WDR27: variants seen among roughly 807,000 people sequenced by gnomAD.
WDR27 encodes the protein WD repeat domain 27.
In WDR27, 100 loss-of-function variants were observed where a neutral mutation model predicts 114.4. The observed-to-expected ratio is 0.87, with a 90% CI of 0.74 to 1.03. The LOEUF is 1.03. Ranked by LOEUF, WDR27 falls within the 50% of genes least tolerant of loss-of-function variation. The probability of loss-of-function intolerance (pLI) is 0.00; values close to 1 mark genes in which losing one functional copy is unlikely to be tolerated. For synonymous variants in WDR27, 449 were observed against 423.1 expected (o/e 1.06, Z -0.75); for missense variants, 1,129 against 1,092.9 (o/e 1.03, Z -0.47).
chr6:169,502,963 T>C (rs1465488135), intron 25 of WDR27, among the ~76,000 whole-genome samples: 1 of 152,188 alleles, frequency 6.6e-6, no homozygotes, highest in Non-Finnish European at 1.5e-5. Context: ...TCCATGAAAG[T>C]ACTGGCAGCT....
rs372384541 is a variant in WDR27, at chr6:169,613,453, G to A, written c.2321+106C>T. ...ATAAATCAGTCTTAGATTAGTCAGT[G>A]TGCACAGATTAACCACAACCTCATC... is the stretch of plus-strand genomic sequence containing the variant. On this transcript the variant is annotated intron_variant, in intron 22 of 25. Coordinates refer to ENST00000448612, the MANE Select transcript of WDR27 (RefSeq NM_182552.5). The A allele has an allele frequency of 5.5e-6, 5 of 906,606 alleles. No individual in the cohort carries two copies. In the South Asian group the frequency reaches 8.0e-5, roughly 14 times the overall value. The allele number at this position is 906,606 out of a possible 1,614,324, so 56.2% of individuals were successfully genotyped here.
chr6:169,630,565 TG>T (rs1384368836), intron 21 of WDR27, among the ~76,000 whole-genome samples: 1 of 152,238 alleles, frequency 6.6e-6, no homozygotes, highest in Non-Finnish European at 1.5e-5. Context: ...CTCATTAAGC[TG>T]CACTTGAATT....
At chr6:169,463,925 T>C (rs569786428) in intron 25 of WDR27, among the ~76,000 whole-genome samples, 5 of 152,288 alleles carry the variant, frequency 3.3e-5, no homozygotes, top group South Asian at 4.1e-4. Flanking sequence ...TGTTCATAAA[T>C]TGGAATACTT....
chr6:169,548,965 T>C (rs555907152), intron 25 of WDR27, among the ~76,000 whole-genome samples: 7 of 152,150 alleles, frequency 4.6e-5, no homozygotes, highest in South Asian at 2.1e-4. Flanking sequence ...GAAGATAACA[T>C]AGAAGAAAAC....
chr6:169,606,276 C>G (rs1259962579), intron 22 of WDR27, among the ~76,000 whole-genome samples: 1 of 152,058 alleles, frequency 6.6e-6, no homozygotes, highest in Non-Finnish European at 1.5e-5. Context: ...ACAAATAAAT[C>G]CATTAAAAAG....
At chr6:169,439,097 CAA>C in the WDR27 span, among the ~76,000 whole-genome samples, 1 of 151,668 alleles carries the variant, frequency 6.6e-6, no homozygotes, top group African/African-American at 2.4e-5. Flanking sequence ...AGTTGGGCCC[CAA>C]AAAAACATCA....
intron 25 of WDR27, among the ~76,000 whole-genome samples, chr6:169,571,552 G>A (rs905891436): frequency 6.6e-6 from 1 of 152,214 alleles, no homozygotes; most frequent in East Asian, 1.9e-4. Context: ...ATTGGGCCAC[G>A]TGCGGCAGCT....
intron 23 of WDR27, among the ~76,000 whole-genome samples, chr6:169,592,370 T>C (rs1192544185): frequency 1.3e-5 from 2 of 152,088 alleles, no homozygotes; most frequent in African/African-American, 4.8e-5. Context: ...GGTCTACACT[T>C]CTGGGGGAAA....
At chr6:169,586,452 A>T (rs1804582778) in intron 23 of WDR27, among the ~76,000 whole-genome samples, 1 of 151,926 alleles carries the variant, frequency 6.6e-6, no homozygotes, top group South Asian at 2.1e-4. Context: ...TGACCCTCTG[A>T]TCTAGAGGCT....
At chr6:169,633,634 G>GA (rs1388123673) in intron 20 of WDR27, among the ~76,000 whole-genome samples, 1 of 152,318 alleles carries the variant, frequency 6.6e-6, no homozygotes, top group East Asian at 1.9e-4. Context: ...GCTCAGCCCT[G>GA]AATGCTGTAG....
At chr6:169,612,094 C>A (rs1042189005) in intron 22 of WDR27, among the ~76,000 whole-genome samples, 7 of 151,410 alleles carry the variant, frequency 4.6e-5, no homozygotes, top group African/African-American at 1.7e-4. Flanking sequence ...TGAGATTACA[C>A]CATTGCACTC....
intron 24 of WDR27, among the ~76,000 whole-genome samples, chr6:169,582,179 T>A (rs1344877893): frequency 6.6e-6 from 1 of 152,188 alleles, no homozygotes; most frequent in Non-Finnish European, 1.5e-5. Flanking sequence ...TTCGCCATGT[T>A]GGCCAGGCTG....
At chr6:169,468,049 T>A (rs890664772) in intron 25 of WDR27, among the ~76,000 whole-genome samples, 2 of 152,220 alleles carry the variant, frequency 1.3e-5, no homozygotes, top group Non-Finnish European at 2.9e-5. Context: ...TAAAGTTCCA[T>A]AGATCTCTAG....
chr6:169,433,573 T>G, the WDR27 span, among the ~76,000 whole-genome samples: 1 of 152,208 alleles, frequency 6.6e-6, no homozygotes, highest in African/African-American at 2.4e-5. Context: ...GTCTTTATAG[T>G]AGAATGATTT....
At chr6:169,491,384 CA>C (rs1056871834) in intron 25 of WDR27, among the ~76,000 whole-genome samples, 1 of 151,864 alleles carries the variant, frequency 6.6e-6, no homozygotes, top group African/African-American at 2.4e-5. Context: ...TGTGAAATTC[CA>C]AAATTTTAAC....
intron 25 of WDR27, among the ~76,000 whole-genome samples, chr6:169,502,434 T>A (rs978224547): frequency 6.6e-6 from 1 of 152,308 alleles, no homozygotes; most frequent in Non-Finnish European, 1.5e-5. Flanking sequence ...AAAAATTTCC[T>A]TAAACTTAGT....
intron 1 of WDR27, among the ~76,000 whole-genome samples, chr6:169,690,089 T>G (rs1262132446): frequency 6.6e-6 from 1 of 150,550 alleles, no homozygotes; most frequent in Admixed American, 6.6e-5. Flanking sequence ...TAGGCCCTCA[T>G]GCTGGTCATA....
chr6:169,477,893 T>G (rs532325946), intron 25 of WDR27, among the ~76,000 whole-genome samples: 49 of 152,266 alleles, frequency 3.2e-4, no homozygotes, highest in Non-Finnish European at 5.6e-4. Flanking sequence ...TTAGAGCCAA[T>G]CAAAACATCC....
chr6:169,617,439 G>A (rs75335134), intron 21 of WDR27, among the ~76,000 whole-genome samples: 2,069 of 152,234 alleles, frequency 0.014, 44 homozygotes, highest in African/African-American at 0.047. Flanking sequence ...GCAATGGCAC[G>A]ATCTCAGCTC....
Sources: allele counts gnomAD v4.1 joint callset (sites outside exome capture counted in the v4.1 genomes callset), GRCh38; gene constraint gnomAD v4.1.1; transcripts MANE v1.5; gene names NCBI Gene and HGNC (gene_info 2026-07-23, HGNC 2026-07-21).